The following FOXP2 variants were observed in gnomAD, a reference collection of about 807,000 sequenced individuals.
FOXP2 encodes forkhead box P2.
FOXP2 carries 12 observed loss-of-function variants against 115.8 expected under a neutral mutation model. That is an observed-to-expected ratio of 0.10 (90% CI 0.07 to 0.17). The LOEUF is 0.17. Ranked by LOEUF, FOXP2 falls within the 10% of genes least tolerant of loss-of-function variation. The probability of loss-of-function intolerance (pLI) is 1.00; values close to 1 mark genes in which losing one functional copy is unlikely to be tolerated. For missense variants in FOXP2, 629 were observed against 843.5 expected (o/e 0.75, Z 3.15); for synonymous variants, 328 against 297.7 (o/e 1.10, Z -1.05).
chr7:114,355,869 TATTTTGGCC>T (rs1791606902), intron 2 of FOXP2, among the ~76,000 whole-genome samples: 1 of 152,184 alleles, frequency 6.6e-6, no homozygotes, highest in Non-Finnish European at 1.5e-5. Context: ...CCTACTTTGT[TATTTTGGCC>T]ATTAGCTTTT....
At chr7:114,643,830 T>C (rs928024111) in intron 7 of FOXP2, among the ~76,000 whole-genome samples, 2 of 152,206 alleles carry the variant, frequency 1.3e-5, no homozygotes, top group African/African-American at 2.4e-5. Flanking sequence ...GTAAGTGTAG[T>C]GGACTGATAG....
intron 2 of FOXP2, among the ~76,000 whole-genome samples, chr7:114,365,157 T>A (rs1310516404): frequency 6.6e-6 from 1 of 152,172 alleles, no homozygotes; most frequent in Non-Finnish European, 1.5e-5. Context: ...AAATTACAAT[T>A]TAACAAACCA....
At chr7:114,463,531 A>G (rs1386845267) in intron 2 of FOXP2, among the ~76,000 whole-genome samples, 1 of 152,218 alleles carries the variant, frequency 6.6e-6, no homozygotes, top group Non-Finnish European at 1.5e-5. Context: ...GATCAAGACC[A>G]TTTAAAATGT....
At chr7:114,232,783 A>T (rs1270151228) in intron 1 of FOXP2, among the ~76,000 whole-genome samples, 1 of 151,492 alleles carries the variant, frequency 6.6e-6, no homozygotes, top group Non-Finnish European at 1.5e-5. Flanking sequence ...ATTGCGCTCT[A>T]GCCTGGGCAA....
At chr7:114,503,993 C>T (rs1797688129) in intron 2 of FOXP2, among the ~76,000 whole-genome samples, 1 of 151,560 alleles carries the variant, frequency 6.6e-6, no homozygotes, top group Admixed American at 6.6e-5. Context: ...GGACTTAATA[C>T]AACTTATGGA....
chr7:114,264,301 C>T (rs1795840355), intron 1 of FOXP2, among the ~76,000 whole-genome samples: 1 of 149,800 alleles, frequency 6.7e-6, no homozygotes, highest in Admixed American at 6.6e-5. Context: ...AGGTCATTCA[C>T]AAAAATAGAA....
At chr7:114,490,316 A>T (rs946903372) in intron 2 of FOXP2, among the ~76,000 whole-genome samples, 1 of 152,168 alleles carries the variant, frequency 6.6e-6, no homozygotes. Flanking sequence ...AGCTTATCTA[A>T]AAAAGCTACA....
intron 10 of FOXP2, chr7:114,656,341 C>A: frequency 2.9e-5 from 5 of 175,042 alleles, no homozygotes; most frequent in African/African-American, 4.8e-5. Context: ...TGGGGAAATA[C>A]TTTTCTTTTC....
intron 3 of FOXP2, among the ~76,000 whole-genome samples, chr7:114,589,450 C>G (rs1178044648): frequency 6.6e-6 from 1 of 152,138 alleles, no homozygotes; most frequent in Non-Finnish European, 1.5e-5. Flanking sequence ...ACACCATTGC[C>G]CATACAATGT....
At chr7:114,228,847 G>A (rs535476679) in intron 1 of FOXP2, among the ~76,000 whole-genome samples, 16 of 138,566 alleles carry the variant, frequency 1.2e-4, no homozygotes, top group African/African-American at 4.1e-4. Flanking sequence ...GGACAAAAGA[G>A]CTACAAAACA....
intron 3 of FOXP2, among the ~76,000 whole-genome samples, chr7:114,611,853 C>A (rs1803645543): frequency 6.6e-6 from 1 of 151,782 alleles, no homozygotes; most frequent in South Asian, 2.1e-4. Context: ...AATAATGCTG[C>A]CTTCATGGGT....
At chr7:114,399,925 T>TGGCTC (rs894199093) in intron 2 of FOXP2, among the ~76,000 whole-genome samples, 18 of 127,454 alleles carry the variant, frequency 1.4e-4, no homozygotes, top group African/African-American at 6.2e-4. Context: ...GGCGCGATCT[T>TGGCTC]GGCTCACTGC....
chr7:114,585,603 C>T (rs949149976), intron 3 of FOXP2, among the ~76,000 whole-genome samples: 5 of 150,280 alleles, frequency 3.3e-5, no homozygotes, highest in Non-Finnish European at 5.9e-5. Context: ...TGGTGGCTCA[C>T]GCCTGAATCC....
chr7:114,195,437 G>C (rs1485698489), intron 1 of FOXP2, among the ~76,000 whole-genome samples: 1 of 151,952 alleles, frequency 6.6e-6, no homozygotes. Flanking sequence ...TCTTCTCATT[G>C]CTGCTTATGA....
chr7:114,386,925 C>T (rs1281567504), intron 2 of FOXP2, among the ~76,000 whole-genome samples: 1 of 152,120 alleles, frequency 6.6e-6, no homozygotes, highest in Non-Finnish European at 1.5e-5. Context: ...TAATATCCCC[C>T]ATCTGTTCTT....
chr7:114,343,912 T>C (rs1250474251), intron 2 of FOXP2, among the ~76,000 whole-genome samples: 1 of 151,694 alleles, frequency 6.6e-6, no homozygotes, highest in Non-Finnish European at 1.5e-5. Flanking sequence ...TTATGATGTT[T>C]ATTGTCTTCC....
intron 1 of FOXP2, among the ~76,000 whole-genome samples, chr7:114,124,453 C>A (rs1490096539): frequency 2.0e-5 from 3 of 151,986 alleles, no homozygotes; most frequent in Admixed American, 1.3e-4. Context: ...CCCACAGTTC[C>A]TGGTATTTCT....
intron 3 of FOXP2, among the ~76,000 whole-genome samples, chr7:114,597,727 C>A (rs1049146853): frequency 6.6e-6 from 1 of 152,134 alleles, no homozygotes; most frequent in African/African-American, 2.4e-5. Context: ...TACAAAAGCA[C>A]CTTGTAGGTT....
intron 1 of FOXP2, among the ~76,000 whole-genome samples, chr7:114,262,691 A>C: frequency 6.6e-6 from 1 of 152,198 alleles, no homozygotes; most frequent in East Asian, 1.9e-4. Context: ...ATTTGGCTAG[A>C]ACCTACCAAT....
Sources: gnomAD v4.1 joint callset for allele counts (sites outside exome capture counted in the v4.1 genomes callset) on GRCh38, gnomAD v4.1.1 for gene constraint, MANE v1.5 for transcripts, NCBI Gene and HGNC (gene_info 2026-07-23, HGNC 2026-07-21) for gene names.